LILRA2: variants seen among roughly 807,000 people sequenced by gnomAD.
LILRA2 encodes the protein leukocyte immunoglobulin like receptor A2, also known as leukocyte immunoglobulin-like receptor subfamily A member 2.
Under a neutral mutation model 47.9 loss-of-function variants are expected in LILRA2, and 45 were observed. That is an observed-to-expected ratio of 0.94 (90% CI 0.74 to 1.20). The LOEUF is 1.20. Ranked by LOEUF, LILRA2 falls within the 50% of genes most tolerant of loss-of-function variation. The pLI, the probability that LILRA2 is intolerant of heterozygous loss-of-function variation, is 0.00. For missense variants in LILRA2, 651 were observed against 598.2 expected, an observed-to-expected ratio of 1.09 and a Z score of -0.92; for synonymous variants, 279 against 249.2, an observed-to-expected ratio of 1.12 and a Z score of -1.13.
At chr19:54,574,188 G>A in intron 2 of LILRA2, 77 bp downstream of exon 2, 1 of 1,614,244 alleles carries the variant, frequency 6.2e-7, no homozygotes, top group Non-Finnish European at 8.5e-7. Context: ...GCTGGGGATG[G>A]GGAATAGCAG....
rs1019444158 is a variant in LILRA2 at position 54,587,711 on chromosome 19, C to G, written c.*365C>G. On this transcript the variant is annotated 3_prime_UTR_variant, in exon 8 of 8. Coordinates refer to ENST00000391738, the MANE Select transcript of LILRA2 (RefSeq NM_001130917.3). ...GTCTTCCTTATTCCTCATTGTCACA[C>G]TCCTTGATGTCACTTACTGAGTCCC... The G allele has an allele frequency of 3.4e-5, 9 of 266,154 alleles. No homozygotes were observed. Among genetic ancestry groups the G allele is most frequent in the Non-Finnish European group, 5.1e-5 (7 of 137,310 alleles). 16.5% of individuals were successfully genotyped at this position (266,154 alleles called of 1,614,324 possible). A position where few individuals can be genotyped will look rare whatever the true frequency, so the allele number is the denominator to read the frequency against.
At chr19:54,584,133 A>G (rs1243043825) in intron 6 of LILRA2, among the ~76,000 whole-genome samples, 3 of 152,228 alleles carry the variant, frequency 2.0e-5, no homozygotes, top group African/African-American at 4.8e-5. Context: ...GTTTCTGCCA[A>G]GAGATCCGCT....
chr19:54,577,460 C>T, intron 6 of LILRA2: 4 of 1,277,154 alleles, frequency 3.1e-6, no homozygotes, highest in Non-Finnish European at 4.1e-6. Flanking sequence ...TTTCTCATTT[C>T]CAAGAGCCCC....
chr19:54,587,425 A>G lies in LILRA2; in HGVS notation c.*79A>G. 1.3e-6 allele frequency: 2 copies of G among 1,588,534 alleles called. No homozygotes were observed. Among genetic ancestry groups the G allele is most frequent in the Non-Finnish European group, 1.7e-6 (2 of 1,166,066 alleles). ...TGATGATCCCAGGAGGCTCTGGAGG[A>G]CAATCTAGGACCTACATTATCTGGA... is the stretch of plus-strand genomic sequence containing the variant. On this transcript the variant is annotated 3_prime_UTR_variant, in exon 8 of 8. Transcript: ENST00000391738.
intron 6 of LILRA2, chr19:54,577,416 A>G (rs1367888494): frequency 8.2e-7 from 1 of 1,224,340 alleles, no homozygotes; most frequent in Non-Finnish European, 1.0e-6. Flanking sequence ...TGAGTTGGAG[A>G]GAGGACAGAT....
chr19:54,573,583 A>G, upstream of LILRA2: 1 of 745,958 alleles, frequency 1.3e-6, no homozygotes, highest in South Asian at 1.7e-5. Flanking sequence ...TTGCTGCTAC[A>G]TCCCAGGTCT....
chr19:54,583,688 T>A (rs1017473336), intron 6 of LILRA2, among the ~76,000 whole-genome samples: 12 of 152,152 alleles, frequency 7.9e-5, no homozygotes, highest in African/African-American at 2.9e-4. Context: ...ATGGGTCTCC[T>A]GAATACAGCA....
rs2062233685 is a variant in LILRA2 at position 54,573,838 on chromosome 19, G to T, written c.-41G>T. 2 of 1,614,048 alleles carry T rather than the reference G, an allele frequency of 1.2e-6. No individual in the cohort carries two copies. The highest frequency in any genetic ancestry group is 1.7e-6 in the Non-Finnish European group (2 of 1,179,968). On this transcript the variant is annotated 5_prime_UTR_variant, in exon 1 of 8. Transcript: ENST00000391738. ...GTCTCTCTGTCCTGCCAGCACTGAG[G>T]GCTCATCCATCCGCAGAGCAGGGCA... is the stretch of plus-strand genomic sequence containing the variant.
At chr19:54,576,831 G>A (rs73612429) in intron 6 of LILRA2, among the ~76,000 whole-genome samples, 1,834 of 151,770 alleles carry the variant, frequency 0.012, 2 homozygotes, top group African/African-American at 0.042. Flanking sequence ...CTGGGTCTGT[G>A]ATGGCTCAGC....
chr19:54,579,697 G>A (rs1164172770), intron 6 of LILRA2, among the ~76,000 whole-genome samples: 3 of 152,122 alleles, frequency 2.0e-5, no homozygotes, highest in African/African-American at 7.2e-5. Context: ...AATCCCTTTG[G>A]GCAGTGTGGC....
In LILRA2 at chr19:54,574,059, A is replaced by G. The variant is rs199552794; in HGVS notation, c.35-17A>G. The G allele has an allele frequency of 1.9e-6, 3 of 1,613,402 alleles. No homozygotes were observed. The highest frequency in any genetic ancestry group is 1.7e-5 in the Admixed American group (1 of 59,964). ...AGGCTTCAGGGGAAAAATCCCTCAC[A>G]GGGAACTCTCTTCCAGGGCTGAGTC... On this transcript the variant is annotated splice_polypyrimidine_tract_variant and intron_variant, in intron 1 of 7. Coordinates refer to ENST00000391738, the MANE Select transcript of LILRA2 (RefSeq NM_001130917.3).
At chr19:54,573,609 A>T (rs1162706065), upstream of LILRA2, 1 of 797,370 alleles carries the variant, frequency 1.3e-6, no homozygotes, top group Non-Finnish European at 2.0e-6. Context: ...AGATGAGGAT[A>T]AACCAGACAG....
rs912470121 is a variant in LILRA2 at position 54,586,617 on chromosome 19, T to C, written c.1256-393T>C. 3.7e-3 allele frequency among the ~76,000 whole-genome samples: 560 copies of C among 152,248 alleles called. No individual in the cohort carries two copies. In the South Asian group the frequency reaches 0.074, roughly 20 times the overall value. Reference sequence around the variant, plus strand: ...CTGGCGGATCCGTGAAACTCATCTCTGGGGAGCATTGGCTTCTGTGGTCCT... The same window carrying C: ...CTGGCGGATCCGTGAAACTCATCTCCGGGGAGCATTGGCTTCTGTGGTCCT... On this transcript the variant is annotated intron_variant, in intron 6 of 7. Coordinates refer to ENST00000391738, the MANE Select transcript of LILRA2 (RefSeq NM_001130917.3).
At chr19:54,582,512 A>T (rs1393838734) in intron 6 of LILRA2, among the ~76,000 whole-genome samples, 1 of 152,050 alleles carries the variant, frequency 6.6e-6, no homozygotes, top group Non-Finnish European at 1.5e-5. Context: ...GGGAGGGTGT[A>T]TGTGTCCAGG....
At position 54,587,199 on chromosome 19, in the gene LILRA2, A is replaced by C. The variant is rs2062838281; in HGVS notation, c.1307-2A>C. 6.2e-7 allele frequency: 1 copy of C among 1,614,090 alleles called. No individual in the cohort carries two copies. Among genetic ancestry groups the C allele is most frequent in the East Asian group, 2.2e-5 (1 of 44,872 alleles). ...CCTGACCTCTGTGACCTCTTTGTCC[A>C]GCATCCCTAGGCCAACACCCCCAGG... On this transcript the variant is annotated splice_acceptor_variant, in intron 7 of 7. Transcript: ENST00000391738. LOFTEE classifies it high-confidence loss of function.
upstream of LILRA2, chr19:54,573,256 T>A (rs2062198690): frequency 4.4e-6 from 2 of 449,990 alleles, no homozygotes; most frequent in Admixed American, 6.2e-5. Context: ...AGTGCTGGGA[T>A]TCCAGGCATG....
rs537513464 is a variant in LILRA2, at chr19:54,583,792, G to A, written c.1256-3218G>A. Among the ~76,000 whole-genome samples the A allele has an allele frequency of 2.6e-4, 39 of 152,266 alleles. 1 individual carries two copies. The highest frequency in any genetic ancestry group is 4.1e-4 in the Non-Finnish European group (28 of 68,024). ...TTACATTTAAGGTTAATACTGTTAT[G>A]TTTGAGTTTGATCATGTCATTATGA... On this transcript the variant is annotated intron_variant, in intron 6 of 7. Transcript: ENST00000391738.
chr19:54,576,819 G>C (rs978076827), intron 6 of LILRA2, among the ~76,000 whole-genome samples: 3 of 152,400 alleles, frequency 2.0e-5, no homozygotes, highest in South Asian at 2.1e-4. Flanking sequence ...GGGGAGGTGG[G>C]GCTGGGTCTG....
In LILRA2 at chr19:54,587,664, C is replaced by G. The variant is rs1394798987; in HGVS notation, c.*318C>G. The G allele has an allele frequency of 7.3e-6, 3 of 410,832 alleles. No individual in the cohort carries two copies. The highest frequency in any genetic ancestry group is 6.9e-5 in the South Asian group (2 of 29,042). 25.4% of individuals were successfully genotyped at this position (410,832 alleles called of 1,614,324 possible). ...CCACACCTCCACACACCTGTGTGCT[C>G]TGGTCCACGGCATGTGACACAGTCT... On this transcript the variant is annotated 3_prime_UTR_variant, in exon 8 of 8. Coordinates refer to ENST00000391738, the MANE Select transcript of LILRA2 (RefSeq NM_001130917.3).
Sources: allele counts gnomAD v4.1 joint callset (sites outside exome capture counted in the v4.1 genomes callset), GRCh38; gene constraint gnomAD v4.1.1; transcripts MANE v1.5; gene names NCBI Gene and HGNC (gene_info 2026-07-23, HGNC 2026-07-21).